The following RNLS variants were observed in gnomAD, a reference collection of about 807,000 sequenced individuals.
The protein encoded by RNLS is renalase.
Under a neutral mutation model 39.8 loss-of-function variants are expected in RNLS, and 39 were observed. That is an observed-to-expected ratio of 0.98 (90% CI 0.76 to 1.28). RNLS has a LOEUF of 1.28. Ranked by LOEUF, RNLS falls within the 50% of genes most tolerant of loss-of-function variation. The pLI, the probability that RNLS is intolerant of heterozygous loss-of-function variation, is 0.00. For missense variants in RNLS, 410 were observed against 413.3 expected (o/e 0.99, Z 0.07); for synonymous variants, 147 against 150.7 (o/e 0.98, Z 0.18).
intron 4 of RNLS, among the ~76,000 whole-genome samples, chr10:88,438,032 A>G (rs2133835859): frequency 6.6e-6 from 1 of 151,926 alleles, no homozygotes; most frequent in African/African-American, 2.4e-5. Context: ...AGGCTGAGAC[A>G]GGAGAATCAC....
At chr10:88,400,824 T>C (rs113329047) in intron 4 of RNLS, among the ~76,000 whole-genome samples, 3 of 152,010 alleles carry the variant, frequency 2.0e-5, no homozygotes, top group African/African-American at 7.2e-5. Context: ...TTTCTCAATT[T>C]TGAGAGTTTT....
chr10:88,490,056 A>C (rs1315540682), intron 4 of RNLS, among the ~76,000 whole-genome samples: 1 of 152,214 alleles, frequency 6.6e-6, no homozygotes, highest in Non-Finnish European at 1.5e-5. Context: ...AATGTTTTAT[A>C]TGGATTTTTG....
chr10:88,563,521 T>C (rs1016799738), intron 4 of RNLS, among the ~76,000 whole-genome samples: 1 of 152,164 alleles, frequency 6.6e-6, no homozygotes, highest in Non-Finnish European at 1.5e-5. Flanking sequence ...TAATATAGTT[T>C]TGAAAAATCC....
chr10:88,500,455 T>C (rs1010766011), intron 4 of RNLS, among the ~76,000 whole-genome samples: 1 of 152,172 alleles, frequency 6.6e-6, no homozygotes, highest in Admixed American at 6.6e-5. Flanking sequence ...TTCTGGACTC[T>C]TGTTTAGGAA....
At chr10:88,198,947 T>C in the RNLS span, among the ~76,000 whole-genome samples, 1 of 152,194 alleles carries the variant, frequency 6.6e-6, no homozygotes, top group Admixed American at 6.5e-5. Flanking sequence ...TTTTGAAGTA[T>C]CTCTCATTTT....
At chr10:88,577,882 G>T (rs1413756596) in intron 3 of RNLS, among the ~76,000 whole-genome samples, 1 of 152,012 alleles carries the variant, frequency 6.6e-6, no homozygotes, top group East Asian at 1.9e-4. Flanking sequence ...GGCTTTAAAG[G>T]TTTGAACCTA....
At chr10:88,358,207 T>C (rs770814753) in intron 5 of RNLS, among the ~76,000 whole-genome samples, 1 of 152,186 alleles carries the variant, frequency 6.6e-6, no homozygotes, top group African/African-American at 2.4e-5. Flanking sequence ...TCCATGAAGA[T>C]TTGAGTTTAT....
At chr10:88,207,725 C>A in the RNLS span, among the ~76,000 whole-genome samples, 2 of 152,164 alleles carry the variant, frequency 1.3e-5, no homozygotes, top group Admixed American at 6.6e-5. Flanking sequence ...TGCTAGAACT[C>A]TCTGTTAGCA....
chr10:88,415,539 T>C (rs759550394), intron 4 of RNLS, among the ~76,000 whole-genome samples: 20 of 152,170 alleles, frequency 1.3e-4, no homozygotes, highest in Admixed American at 6.5e-4. Flanking sequence ...TGTGTATCTA[T>C]AGAAAAACTA....
At chr10:88,428,251 T>C (rs1353688692) in intron 4 of RNLS, among the ~76,000 whole-genome samples, 1 of 151,992 alleles carries the variant, frequency 6.6e-6, no homozygotes, top group Non-Finnish European at 1.5e-5. Context: ...GCTAGGACTA[T>C]TACTAATAAG....
the RNLS span, among the ~76,000 whole-genome samples, chr10:88,216,290 A>G: frequency 0.015 from 2,360 of 152,302 alleles, 33 homozygotes; most frequent in South Asian, 0.029. Context: ...CAGTAGAGGG[A>G]AATTTTTTGG....
Position 88,489,866 on chromosome 10 carries a change from AT to A in RNLS, c.526+83036del, listed in dbSNP as rs796578931. 5.5e-4 allele frequency among the ~76,000 whole-genome samples: 83 copies of A among 152,260 alleles called. 1 individual carries two copies. Among genetic ancestry groups the A allele is most frequent in the African/African-American group, 1.8e-3 (76 of 41,552 alleles). On this transcript the variant is annotated intron_variant, in intron 4 of 6. Transcript: ENST00000331772. ...AATTTTTTGTGAGGCAAGACGGAAA[AT>A]TCAAAAGTCTGGCCTTGACTGAACC... is the stretch of plus-strand genomic sequence containing the variant.
the RNLS span, among the ~76,000 whole-genome samples, chr10:88,183,239 A>G: frequency 6.6e-6 from 1 of 152,134 alleles, no homozygotes; most frequent in Non-Finnish European, 1.5e-5. Flanking sequence ...ATATAAACAA[A>G]TGAATTAATG....
chr10:88,313,705 G>T (rs1004864429), intron 6 of RNLS, among the ~76,000 whole-genome samples: 1 of 152,160 alleles, frequency 6.6e-6, no homozygotes, highest in Non-Finnish European at 1.5e-5. Context: ...TCGTCAACAA[G>T]CTCAGAAATC....
At chr10:88,233,814 T>C in the RNLS span, among the ~76,000 whole-genome samples, 5 of 152,216 alleles carry the variant, frequency 3.3e-5, no homozygotes, top group East Asian at 5.8e-4. Flanking sequence ...GGAAGATGCA[T>C]GCTTATGCAT....
intron 4 of RNLS, among the ~76,000 whole-genome samples, chr10:88,392,593 C>T (rs957934810): frequency 6.6e-6 from 1 of 152,146 alleles, no homozygotes; most frequent in Non-Finnish European, 1.5e-5. Flanking sequence ...CCAATGGCCA[C>T]CTATGACAAA....
chr10:88,371,864 T>C (rs888788928), intron 4 of RNLS, among the ~76,000 whole-genome samples: 1 of 152,174 alleles, frequency 6.6e-6, no homozygotes, highest in African/African-American at 2.4e-5. Context: ...TGGCTTTTTT[T>C]GGAAGTTGTC....
chr10:88,483,011 T>C (rs1844288262), intron 4 of RNLS, among the ~76,000 whole-genome samples: 1 of 151,970 alleles, frequency 6.6e-6, no homozygotes, highest in African/African-American at 2.4e-5. Context: ...GACAGGGTCT[T>C]GCTATATCTT....
the RNLS span, among the ~76,000 whole-genome samples, chr10:88,234,228 C>T: frequency 6.6e-6 from 1 of 151,798 alleles, no homozygotes; most frequent in South Asian, 2.1e-4. Context: ...GCAAATTCAA[C>T]ATCATTTCCC....
Sources: gnomAD v4.1 joint callset for allele counts (sites outside exome capture counted in the v4.1 genomes callset) on GRCh38, gnomAD v4.1.1 for gene constraint, MANE v1.5 for transcripts, NCBI Gene and HGNC (gene_info 2026-07-23, HGNC 2026-07-21) for gene names.